Variants in CCAR1 observed in about 807,000 individuals in gnomAD.
CCAR1 encodes the protein cell division cycle and apoptosis regulator protein 1.
A neutral mutation model predicts 163.8 loss-of-function variants in CCAR1; 78 were observed. That is an observed-to-expected ratio of 0.48 (90% CI 0.40 to 0.57). The LOEUF (loss-of-function observed/expected upper bound fraction) is 0.57. Ranked by LOEUF, CCAR1 falls within the 20% of genes least tolerant of loss-of-function variation. CCAR1 has a pLI of 0.00. For synonymous variants in CCAR1, 443 were observed against 460.7 expected (o/e 0.96, Z 0.49); for missense variants, 1,019 against 1,365.2 (o/e 0.75, Z 4.00).
At chr10:68,732,252 A>G (rs893441977) in intron 2 of CCAR1, among the ~76,000 whole-genome samples, 2 of 152,214 alleles carry the variant, frequency 1.3e-5, no homozygotes, top group African/African-American at 2.4e-5. Context: ...GCCAATTCAG[A>G]TTATTAGAAT....
chr10:68,778,181 G>A (rs537660918), intron 19 of CCAR1, among the ~76,000 whole-genome samples: 3 of 151,728 alleles, frequency 2.0e-5, no homozygotes, highest in South Asian at 4.2e-4. Flanking sequence ...GTGCCACTAC[G>A]TTCCAGCCTG....
intron 19 of CCAR1, among the ~76,000 whole-genome samples, chr10:68,779,084 C>T (rs1296814119): frequency 1.3e-5 from 2 of 152,048 alleles, no homozygotes; most frequent in African/African-American, 4.8e-5. Context: ...ACCTTGTGAT[C>T]CGCCTGCCTC....
intron 1 of CCAR1, chr10:68,721,741 C>T (rs980511058): frequency 3.1e-6 from 1 of 318,888 alleles, no homozygotes; most frequent in South Asian, 2.2e-5. Flanking sequence ...CCGTCGCCGG[C>T]GGCCGGCACG....
chr10:68,748,109 C>T (rs1432623686), intron 8 of CCAR1, among the ~76,000 whole-genome samples: 1 of 152,210 alleles, frequency 6.6e-6, no homozygotes, highest in Non-Finnish European at 1.5e-5. Context: ...CCACTTCGGC[C>T]TCCCAAAGTA....
intron 17 of CCAR1, 34 bp downstream of exon 17, chr10:68,766,113 A>ATGTGT: frequency 2.3e-6 from 3 of 1,315,560 alleles, no homozygotes; most frequent in Non-Finnish European, 3.3e-6. Context: ...GATCCATATA[A>ATGTGT]GGTCCACACA....
chr10:68,736,479 C>T (rs989251919), intron 2 of CCAR1, among the ~76,000 whole-genome samples: 23 of 152,168 alleles, frequency 1.5e-4, no homozygotes, highest in African/African-American at 5.3e-4. Context: ...CAATGTCTGC[C>T]CAATCCTGCC....
In CCAR1 at chr10:68,762,347, AAAAC is replaced by A. The variant is rs566119725; in HGVS notation, c.2106+1163_2106+1166del. Among the ~76,000 whole-genome samples, 39 of 34,776 alleles carry A rather than the reference AAAAC, an allele frequency of 1.1e-3. No homozygotes were observed. In the South Asian group the frequency reaches 0.029, roughly 26 times the overall value. 22.8% of individuals were successfully genotyped at this position (34,776 alleles called of 152,430 possible). A position where few individuals can be genotyped will look rare whatever the true frequency, so the allele number is the denominator to read the frequency against. ...CTGTCTAAAAAAAAAAACAAAACAA[AAAAC>A]AAACAAAAAAAAAACAGTTCTAGGT... is the stretch of plus-strand genomic sequence containing the variant. On this transcript the variant is annotated intron_variant, in intron 16 of 24. Coordinates refer to ENST00000265872, the MANE Select transcript of CCAR1 (RefSeq NM_018237.4).
intron 2 of CCAR1, among the ~76,000 whole-genome samples, chr10:68,727,893 C>T (rs1008538853): frequency 6.6e-6 from 1 of 152,114 alleles, no homozygotes; most frequent in African/African-American, 2.4e-5. Context: ...GGCTGGAGTT[C>T]AGTGGCATGA....
At chr10:68,754,574 A>G in intron 11 of CCAR1, 140 bp from the exon 12 acceptor site, 1 of 570,716 alleles carries the variant, frequency 1.8e-6, no homozygotes, top group East Asian at 2.9e-5. Context: ...TGAGGTATCT[A>G]ATACTGTTTC....
At chr10:68,731,659 A>G (rs1037955445) in intron 2 of CCAR1, among the ~76,000 whole-genome samples, 1 of 139,442 alleles carries the variant, frequency 7.2e-6, no homozygotes, top group African/African-American at 2.7e-5. Flanking sequence ...GCAGTGACAC[A>G]ATCTCGGCTC....
intron 17 of CCAR1, among the ~76,000 whole-genome samples, chr10:68,768,019 T>C (rs1362614753): frequency 1.3e-5 from 2 of 152,210 alleles, no homozygotes; most frequent in Admixed American, 6.6e-5. Context: ...TTGTATCTTA[T>C]CAACATATCT....
intron 10 of CCAR1, among the ~76,000 whole-genome samples, chr10:68,752,937 T>C (rs1358888391): frequency 1.4e-5 from 2 of 143,212 alleles, no homozygotes; most frequent in Non-Finnish European, 3.0e-5. Context: ...GATAGATAGA[T>C]AGATTCTGTC....
intron 6 of CCAR1, among the ~76,000 whole-genome samples, chr10:68,745,193 A>G (rs1052591050): frequency 3.3e-5 from 5 of 151,756 alleles, no homozygotes; most frequent in African/African-American, 9.7e-5. Flanking sequence ...TTTTTAGTAG[A>G]GACAGGGTTT....
At chr10:68,736,024 T>C (rs965666560) in intron 2 of CCAR1, among the ~76,000 whole-genome samples, 1 of 152,040 alleles carries the variant, frequency 6.6e-6, no homozygotes, top group African/African-American at 2.4e-5. Flanking sequence ...AGTTAATTTT[T>C]GTATTTTTAG....
In CCAR1 at chr10:68,756,580, G is replaced by C; in HGVS notation, c.1836+97G>C. The C allele has an allele frequency of 1.1e-6, 1 of 948,850 alleles. No homozygotes were observed. The highest frequency in any genetic ancestry group is 1.6e-5 in the African/African-American group (1 of 61,754). The allele number at this position is 948,850 out of a possible 1,614,324, so 58.8% of individuals were successfully genotyped here. ...ACACACTACATAATAAACACACATG[G>C]AGGAACATAACTGGTAACAGCGACT... On this transcript the variant is annotated intron_variant, in intron 14 of 24. Transcript: ENST00000265872. The surrounding 1 kb of genome is among the most constrained non-coding windows in gnomAD (Gnocchi z 5.1).
rs1490245587 is a variant in CCAR1 at position 68,786,093 on chromosome 10, G to A, written c.2651-43G>A. Reference sequence around the variant, plus strand: ...TGCCACTGTGCCCACTTGAAAGTATGTGTATTAATGACTTTTTTGCCACTG... The same window carrying A: ...TGCCACTGTGCCCACTTGAAAGTATATGTATTAATGACTTTTTTGCCACTG... On this transcript the variant is annotated intron_variant, in intron 19 of 24. Transcript: ENST00000265872. 4 of 1,294,026 alleles carry A rather than the reference G, an allele frequency of 3.1e-6. No individual in the cohort carries two copies. The African/African-American group carries it at 5.9e-5, about 19-fold the overall frequency. 80.2% of individuals were successfully genotyped at this position (1,294,026 alleles called of 1,614,324 possible). A position where few individuals can be genotyped will look rare whatever the true frequency, so the allele number is the denominator to read the frequency against.
At chr10:68,731,142 G>A (rs1049893439) in intron 2 of CCAR1, among the ~76,000 whole-genome samples, 11 of 152,174 alleles carry the variant, frequency 7.2e-5, no homozygotes, top group Non-Finnish European at 7.3e-5. Flanking sequence ...GAAGGATAAA[G>A]TGCTTCAATA....
intron 19 of CCAR1, among the ~76,000 whole-genome samples, chr10:68,774,307 C>T (rs995412043): frequency 1.3e-5 from 2 of 152,104 alleles, no homozygotes; most frequent in African/African-American, 2.4e-5. Context: ...GGATTATAGG[C>T]GTGAGCTACA....
chr10:68,772,492 A>T (rs865954660), intron 18 of CCAR1, among the ~76,000 whole-genome samples: 1 of 143,520 alleles, frequency 7.0e-6, no homozygotes, highest in Non-Finnish European at 1.5e-5. Context: ...CAAAAAAAAC[A>T]AAAAAAAAAA....
Sources: gnomAD v4.1 joint callset for allele counts (sites outside exome capture counted in the v4.1 genomes callset) on GRCh38, gnomAD v4.1.1 for gene constraint, Gnocchi (gnomAD v3.1) non-coding constraint, MANE v1.5 for transcripts, NCBI Gene and HGNC (gene_info 2026-07-23, HGNC 2026-07-21) for gene names.